Variants in GGH observed in about 807,000 individuals in gnomAD.
GGH encodes the protein gamma-glutamyl hydrolase, also known as gamma-Glu-X carboxypeptidase.
In GGH, 18 loss-of-function variants were observed where a neutral mutation model predicts 39.2. The observed-to-expected ratio is 0.46, with a 90% confidence interval of 0.32 to 0.68. The LOEUF is 0.68. GGH is among the 30% of genes least tolerant of loss of function. The pLI is 0.04. For missense variants in GGH, 367 were observed against 384.1 expected (o/e 0.96, Z 0.37); for synonymous variants, 147 against 138.8 (o/e 1.06, Z -0.42).
chr8:63,022,951 C>T (rs778778615), intron 7 of GGH, among the ~76,000 whole-genome samples: 4 of 152,126 alleles, frequency 2.6e-5, no homozygotes, highest in Non-Finnish European at 5.9e-5. Flanking sequence ...ATACTAATAT[C>T]TAACATTTGT....
intron 3 of GGH, 133 bp downstream of exon 3, chr8:63,030,034 C>T (rs527385331): frequency 2.1e-6 from 1 of 484,632 alleles, no homozygotes; most frequent in East Asian, 3.1e-5. Context: ...TATAAAAGAA[C>T]TCAGAACACT....
At chr8:63,037,459 G>A (rs1804933316) in intron 1 of GGH, among the ~76,000 whole-genome samples, 2 of 152,122 alleles carry the variant, frequency 1.3e-5, no homozygotes, top group Non-Finnish European at 1.5e-5. Flanking sequence ...TGGGAAAAGA[G>A]CTCAAGCTGT....
rs1027210666 is a variant in GGH, at chr8:63,025,302, G to A, written c.499+856C>T. 8 of 152,130 alleles carry A rather than the reference G, an allele frequency of 5.3e-5. No homozygotes were observed. In the East Asian group the frequency reaches 7.7e-4, roughly 15 times the overall value. 9.4% of individuals were successfully genotyped at this position (152,130 alleles called of 1,614,324 possible). ...TTCATGATTAGAAAGTTGAAACTTC[G>A]AGCCAGCCCAATCAATCTCCAAGTA... On this transcript the variant is annotated intron_variant, in intron 5 of 8. Transcript: ENST00000260118.
intron 1 of GGH, among the ~76,000 whole-genome samples, chr8:63,036,726 GA>G (rs1804915782): frequency 6.6e-6 from 1 of 152,154 alleles, no homozygotes. Flanking sequence ...CAGGACAAAG[GA>G]ATAGCAAGTG....
At chr8:63,031,016 C>A (rs1804793241) in intron 2 of GGH, among the ~76,000 whole-genome samples, 1 of 152,206 alleles carries the variant, frequency 6.6e-6, no homozygotes, top group Non-Finnish European at 1.5e-5. Context: ...GAAATCCTTG[C>A]AAGAACTCTC....
In GGH at chr8:63,017,502, C is replaced by CA. The variant is rs747800974; in HGVS notation, c.825dup (p.Val276CysfsTer2). 2.5e-6 allele frequency: 4 copies of CA among 1,608,622 alleles called. No individual in the cohort carries two copies. The African/African-American group carries it at 4.0e-5, about 16-fold the overall frequency. On this transcript the variant is annotated frameshift_variant, in exon 8 of 9. Coordinates refer to ENST00000260118, the MANE Select transcript of GGH (RefSeq NM_003878.3). LOFTEE classifies it low-confidence loss of function (END_TRUNC). ...TGTACCCTCATATTACCTTCATTAA[C>CA]AAAAAACTCTGCTAAATAAAATGCG...
At position 63,015,359 on chromosome 8, in the gene GGH, T is replaced by G; in HGVS notation, c.930A>C (p.Ser310=). Residue 310 remains serine, a synonymous_variant, in exon 9 of 9, where the codon TCA becomes TCC. Transcript: ENST00000260118. Reference sequence around the variant, plus strand: ...AATCAAATATGTAACATTGCTGAAATGAAGAAATATTTCCAGTATAAATTG... The same window carrying G: ...AATCAAATATGTAACATTGCTGAAAGGAAGAAATATTTCCAGTATAAATTG... ...FSPIYTGNIS[S]FQQCYIFD The G allele has an allele frequency of 7.1e-7, 1 of 1,405,358 alleles. No individual in the cohort carries two copies. Among genetic ancestry groups the G allele is most frequent in the Non-Finnish European group, 9.9e-7 (1 of 1,007,138 alleles). 87.1% of individuals were successfully genotyped at this position (1,405,358 alleles called of 1,614,324 possible).
intron 8 of GGH, among the ~76,000 whole-genome samples, 188 bp from the exon 9 acceptor site, chr8:63,015,641 C>CAAA (rs372991597): frequency 1.6e-3 from 208 of 127,164 alleles, no homozygotes; most frequent in Non-Finnish European, 2.4e-3. Flanking sequence ...ACTTACTTTC[C>CAAA]AAAAAAAAAA....
At chr8:63,036,416 G>A (rs116503828) in intron 1 of GGH, among the ~76,000 whole-genome samples, 1,695 of 152,288 alleles carry the variant, frequency 0.011, 31 homozygotes, top group African/African-American at 0.038. Context: ...ACATGACTAT[G>A]AGTGAACCAA....
At chr8:63,023,836 T>A in intron 7 of GGH, 71 bp downstream of exon 7, 2 of 1,100,404 alleles carry the variant, frequency 1.8e-6, no homozygotes, top group Non-Finnish European at 2.4e-6. Flanking sequence ...ATTTTATTGA[T>A]GAGACATATA....
At position 63,035,715 on chromosome 8, in the gene GGH, A is replaced by G. The variant is rs780111805; in HGVS notation, c.165T>C (p.Tyr55=). Reference sequence around the variant, plus strand: ...AGTACTTTACATAGGACGCAGCAATATAGTATCTTCCATAGTTTTTCATGA... The same window carrying G: ...AGTACTTTACATAGGACGCAGCAATGTAGTATCTTCCATAGTTTTTCATGA... The part of the protein sequence containing the change: ...NKVMKNYGRY[Y]IAASYVKYLE... Residue 55 remains tyrosine (Y), a synonymous_variant, in exon 2 of 9, where the codon TAT becomes TAC. Coordinates refer to ENST00000260118, the MANE Select transcript of GGH (RefSeq NM_003878.3). The G allele has an allele frequency of 3.7e-6, 6 of 1,613,624 alleles. No individual in the cohort carries two copies. Among genetic ancestry groups the G allele is most frequent in the African/African-American group, 2.7e-5 (2 of 74,836 alleles).
Position 63,024,016 on chromosome 8 carries a change from A to G in GGH, c.607-19T>C. 1.9e-6 allele frequency: 3 copies of G among 1,562,100 alleles called. No individual in the cohort carries two copies. Among genetic ancestry groups the G allele is most frequent in the Non-Finnish European group, 2.6e-6 (3 of 1,141,026 alleles). On this transcript the variant is annotated intron_variant, in intron 6 of 8. Coordinates refer to ENST00000260118, the MANE Select transcript of GGH (RefSeq NM_003878.3). ...TAAAATTCTAGAATACGAAAATAAA[A>G]CAAAATGATTACTTCTGCAGTTATT...
Position 63,015,353 on chromosome 8 carries a change from C to T in GGH, c.936G>A (p.Gln312=). 1 of 1,402,584 alleles carries T rather than the reference C, an allele frequency of 7.1e-7. No individual in the cohort carries two copies. Among genetic ancestry groups the T allele is most frequent in the Admixed American group, 2.0e-5 (1 of 50,884 alleles). 86.9% of individuals were successfully genotyped at this position (1,402,584 alleles called of 1,614,324 possible). ...ACTTTCAATCAAATATGTAACATTG[C>T]TGAAATGAAGAAATATTTCCAGTAT... ...PIYTGNISSF[Q]QCYIFD Residue 312 remains glutamine, a synonymous_variant, in exon 9 of 9, where the codon CAG becomes CAA. Transcript: ENST00000260118.
intron 8 of GGH, among the ~76,000 whole-genome samples, chr8:63,016,723 G>C (rs1804493434): frequency 6.6e-6 from 1 of 152,124 alleles, no homozygotes; most frequent in African/African-American, 2.4e-5. Flanking sequence ...TAAATCGTAG[G>C]ACTTACTGTA....
chr8:63,035,504 C>A, intron 2 of GGH, 152 bp downstream of exon 2: 2 of 1,095,586 alleles, frequency 1.8e-6, no homozygotes, highest in Non-Finnish European at 2.5e-6. Flanking sequence ...CAGGGCTTCA[C>A]CAGGTTGGCC....
chr8:63,024,059 A>G, intron 6 of GGH, 21 bp downstream of exon 6: 1 of 1,551,978 alleles, frequency 6.4e-7, no homozygotes, highest in Non-Finnish European at 8.9e-7. Context: ...TATTAATTTC[A>G]TTGTGTAATT....
At chr8:63,036,315 C>T (rs886452627) in intron 1 of GGH, among the ~76,000 whole-genome samples, 2 of 152,162 alleles carry the variant, frequency 1.3e-5, no homozygotes, top group African/African-American at 4.8e-5. Flanking sequence ...AGAAGCAAAT[C>T]GGATCATATC....
chr8:63,020,250 C>T (rs72658358), intron 7 of GGH, among the ~76,000 whole-genome samples: 3,561 of 152,254 alleles, frequency 0.023, 57 homozygotes, highest in Middle Eastern at 0.031. Flanking sequence ...AATAATAAAG[C>T]ATCTCAAGTG....
chr8:63,029,184 C>A (rs757493171), intron 3 of GGH, among the ~76,000 whole-genome samples: 2 of 152,138 alleles, frequency 1.3e-5, no homozygotes, highest in African/African-American at 2.4e-5. Context: ...CAATCAGAAA[C>A]AACTGCCATT....
Sources: gnomAD v4.1 joint callset for allele counts (sites outside exome capture counted in the v4.1 genomes callset) on GRCh38, gnomAD v4.1.1 for gene constraint, MANE v1.5 for transcripts, NCBI Gene and HGNC (gene_info 2026-07-23, HGNC 2026-07-21) for gene names.